The following ELFN1 variants were observed in gnomAD, a reference collection of about 807,000 sequenced individuals.
ELFN1 encodes extracellular leucine rich repeat and fibronectin type III domain containing 1.
In ELFN1, 6 loss-of-function variants were observed where a neutral mutation model predicts 7.6. The observed-to-expected ratio is 0.79, with a 90% CI of 0.43 to 1.56. The LOEUF (loss-of-function observed/expected upper bound fraction) is 1.56, where lower values mean the gene tolerates loss of function less well. Ranked by LOEUF, ELFN1 falls within the 40% of genes most tolerant of loss-of-function variation. The probability of loss-of-function intolerance (pLI) is 0.01; values close to 1 mark genes in which losing one functional copy is unlikely to be tolerated. For missense variants in ELFN1, 1,169 were observed against 1,232.2 expected, an observed-to-expected ratio of 0.95 and a Z score of 0.77; for synonymous variants, 657 against 588.1, an observed-to-expected ratio of 1.12 and a Z score of -1.70.
chr7:1,678,192 A>C (rs1778908161), intron 1 of ELFN1, among the ~76,000 whole-genome samples: 1 of 152,076 alleles, frequency 6.6e-6, no homozygotes, highest in Non-Finnish European at 1.5e-5. Context: ...CCGTGCTCCC[A>C]CACACACTGG....
rs935577709 is a variant in ELFN1, at chr7:1,717,808, T to C, written c.-294+8556T>C. Reference sequence around the variant, plus strand: ...TGGGGCTGTGGTGCCAGGGTGGGCATGTCAGGGACAGGTCGCAGGGGAGGA... The same window carrying C: ...TGGGGCTGTGGTGCCAGGGTGGGCACGTCAGGGACAGGTCGCAGGGGAGGA... On this transcript the variant is annotated intron_variant, in intron 3 of 3. Coordinates refer to ENST00000424383, the MANE Select transcript of ELFN1 (RefSeq NM_001128636.4). Among the ~76,000 whole-genome samples, 9 of 152,252 alleles carry C rather than the reference T, an allele frequency of 5.9e-5. No homozygotes were observed. The South Asian group carries it at 1.9e-3, about 32-fold the overall frequency.
intron 2 of ELFN1, chr7:1,693,882 C>T: frequency 2.4e-6 from 1 of 420,788 alleles, no homozygotes; most frequent in Non-Finnish European, 5.1e-6. Flanking sequence ...AGTGCTTCCT[C>T]CTCCCCAGTC....
chr7:1,692,143 C>G (rs1392562579), intron 2 of ELFN1: 1 of 152,338 alleles, frequency 6.6e-6, no homozygotes, highest in East Asian at 1.9e-4. Flanking sequence ...CGACGAGACA[C>G]TTTTTGCTGC....
upstream of ELFN1, among the ~76,000 whole-genome samples, chr7:1,669,588 G>A (rs936311597): frequency 9.9e-5 from 15 of 152,224 alleles, no homozygotes; most frequent in African/African-American, 3.6e-4. Flanking sequence ...ATGCGGACGG[G>A]GGCTTCCGCA....
intron 1 of ELFN1, among the ~76,000 whole-genome samples, chr7:1,672,850 A>G (rs11984088): frequency 0.11 from 16,780 of 151,976 alleles, 1,731 homozygotes; most frequent in African/African-American, 0.27. Flanking sequence ...GGGTGTTCAT[A>G]TATCTTCACA....
At chr7:1,671,416 T>G (rs1028187680) in intron 1 of ELFN1, among the ~76,000 whole-genome samples, 2 of 152,110 alleles carry the variant, frequency 1.3e-5, no homozygotes, top group African/African-American at 4.8e-5. Flanking sequence ...ACACCCGGAG[T>G]GGGGCCTCTT....
At chr7:1,732,773 G>A (rs1013163457) in intron 3 of ELFN1, among the ~76,000 whole-genome samples, 2 of 152,206 alleles carry the variant, frequency 1.3e-5, no homozygotes, top group African/African-American at 4.8e-5. Context: ...AGCATCTCCA[G>A]GCTGTGGCAG....
rs929263292 is a variant in ELFN1, at chr7:1,739,576, A to T, written c.-293-4728A>T. On this transcript the variant is annotated intron_variant, in intron 3 of 3. Coordinates refer to ENST00000424383, the MANE Select transcript of ELFN1 (RefSeq NM_001128636.4). This position sits in a 1 kb window ranked among gnomAD's most constrained non-coding sequence, Gnocchi z 4.6. ...AGCACGGGGCACAAGACCCCCTGGG[A>T]GAGCTGGGGAGAGGAGGCAGTGAGG... The T allele has an allele frequency of 3.3e-5, 5 of 153,332 alleles. No homozygotes were observed. Among genetic ancestry groups the T allele is most frequent in the Non-Finnish European group, 2.9e-5 (2 of 68,894 alleles). The allele number at this position is 153,332 out of a possible 1,614,324, so 9.5% of individuals were successfully genotyped here. A position where few individuals can be genotyped will look rare whatever the true frequency, so the allele number is the denominator to read the frequency against.
intron 2 of ELFN1, among the ~76,000 whole-genome samples, chr7:1,700,499 G>C (rs1463377762): frequency 6.6e-6 from 1 of 152,156 alleles, no homozygotes; most frequent in Non-Finnish European, 1.5e-5. Flanking sequence ...AACACTCTCC[G>C]GGGGAGACAT....
chr7:1,723,917 C>G (rs1169125187), intron 3 of ELFN1, among the ~76,000 whole-genome samples: 1 of 152,202 alleles, frequency 6.6e-6, no homozygotes, highest in Non-Finnish European at 1.5e-5. Flanking sequence ...TTTGGATGAG[C>G]TGACGTTGTG....
chr7:1,716,010 G>A (rs546070008), intron 3 of ELFN1, among the ~76,000 whole-genome samples: 13 of 152,328 alleles, frequency 8.5e-5, no homozygotes, highest in South Asian at 6.2e-4. Flanking sequence ...AACTGTGGGC[G>A]CCATTGCTCA....
At chr7:1,696,021 A>G (rs1024560055) in intron 2 of ELFN1, among the ~76,000 whole-genome samples, 1 of 152,160 alleles carries the variant, frequency 6.6e-6, no homozygotes, top group African/African-American at 2.4e-5. Flanking sequence ...AAAGCGGGAC[A>G]CTGGAGTCTA....
intron 2 of ELFN1, chr7:1,692,100 C>T (rs1779178044): frequency 6.6e-6 from 1 of 152,256 alleles, no homozygotes; most frequent in Non-Finnish European, 1.5e-5. Context: ...CATGACCCTC[C>T]TGGCATCTGC....
At chr7:1,707,506 C>T (rs1779560302) in intron 2 of ELFN1, among the ~76,000 whole-genome samples, 1 of 152,202 alleles carries the variant, frequency 6.6e-6, no homozygotes, top group South Asian at 2.1e-4. Flanking sequence ...GATGGGTGCC[C>T]TGGGAGGGGC....
intron 1 of ELFN1, among the ~76,000 whole-genome samples, chr7:1,679,230 G>A (rs1180651238): frequency 1.3e-5 from 2 of 152,128 alleles, no homozygotes; most frequent in Non-Finnish European, 2.9e-5. Flanking sequence ...CAAAAGAGCA[G>A]CCAGGGCTCT....
At chr7:1,681,815 T>C (rs1398324326) in intron 1 of ELFN1, among the ~76,000 whole-genome samples, 1 of 152,220 alleles carries the variant, frequency 6.6e-6, no homozygotes, top group Non-Finnish European at 1.5e-5. Context: ...TGGTGTCCCA[T>C]GTGGTTTAAA....
At chr7:1,675,116 C>T (rs1157584406) in intron 1 of ELFN1, among the ~76,000 whole-genome samples, 1 of 152,202 alleles carries the variant, frequency 6.6e-6, no homozygotes, top group African/African-American at 2.4e-5. Flanking sequence ...GGTGAACCAG[C>T]TTGTCTGGGA....
chr7:1,694,796 G>A (rs1474892173), intron 2 of ELFN1, among the ~76,000 whole-genome samples: 3 of 152,346 alleles, frequency 2.0e-5, no homozygotes, highest in Middle Eastern at 3.4e-3. Context: ...GCTGCTGGCT[G>A]CACACCCTCC....
intron 1 of ELFN1, among the ~76,000 whole-genome samples, chr7:1,685,372 G>A (rs1380187509): frequency 6.6e-6 from 1 of 152,068 alleles, no homozygotes; most frequent in Non-Finnish European, 1.5e-5. Context: ...GAAATTTTCA[G>A]CTATTATTTC....
Sources: allele counts gnomAD v4.1 joint callset (sites outside exome capture counted in the v4.1 genomes callset), GRCh38; gene constraint gnomAD v4.1.1; non-coding constraint Gnocchi (gnomAD v3.1); transcripts MANE v1.5; gene names NCBI Gene and HGNC (gene_info 2026-07-23, HGNC 2026-07-21).